KLRG1: variants seen among roughly 807,000 people sequenced by gnomAD.
KLRG1 encodes the protein killer cell lectin-like receptor subfamily G member 1.
In KLRG1, 16 loss-of-function variants were observed where a neutral mutation model predicts 21.8. That is an observed-to-expected ratio of 0.73 (90% CI 0.50 to 1.11). The LOEUF (loss-of-function observed/expected upper bound fraction) is 1.11. Ranked by LOEUF, KLRG1 falls within the 50% of genes most tolerant of loss-of-function variation. KLRG1 has a pLI of 0.00. For synonymous variants in KLRG1, 69 were observed against 75.9 expected (o/e 0.91, Z 0.47); for missense variants, 173 against 218.3 (o/e 0.79, Z 1.31).
the KLRG1 span, among the ~76,000 whole-genome samples, chr12:9,125,832 T>A: frequency 1.3e-5 from 2 of 152,220 alleles, no homozygotes; most frequent in Non-Finnish European, 2.9e-5. Context: ...CCTCCCGGGT[T>A]CAAATGATTC....
upstream of KLRG1, chr12:8,989,448 T>G (rs78699719): frequency 2.3e-5 from 12 of 517,662 alleles, no homozygotes; most frequent in African/African-American, 2.3e-4. Context: ...GGCAAAAAAA[T>G]AGCAACTTAC....
chr12:8,960,153 A>T (rs1451023509), intron 1 of KLRG1, among the ~76,000 whole-genome samples: 1 of 152,298 alleles, frequency 6.6e-6, no homozygotes, highest in Non-Finnish European at 1.5e-5. Flanking sequence ...GGCGAGCCCC[A>T]CAATTCCCCC....
chr12:9,200,821 C>G, the KLRG1 span: 1 of 1,472,806 alleles, frequency 6.8e-7, no homozygotes, highest in South Asian at 1.3e-5. Flanking sequence ...ACAGGAAATT[C>G]AAAGGATCTA....
Position 8,982,838 on chromosome 12 carries a change from G to A in KLRG1, c.-155-9368G>A, listed in dbSNP as rs770134977. Among the ~76,000 whole-genome samples the A allele has an allele frequency of 2.9e-3, 445 of 152,032 alleles. 5 individuals carry two copies. Among genetic ancestry groups the A allele is most frequent in the African/African-American group, 0.01 (423 of 41,450 alleles). Reference sequence around the variant, plus strand: ...TTTTTGTATTTTTAGTAGAGATAGCGTTTCACCATGTTGGCCAGGCTGGCC... The same window carrying A: ...TTTTTGTATTTTTAGTAGAGATAGCATTTCACCATGTTGGCCAGGCTGGCC... On this transcript the variant is annotated intron_variant, in intron 1 of 4. Transcript: ENST00000539240.
chr12:9,107,311 T>C, the KLRG1 span, among the ~76,000 whole-genome samples: 85,004 of 151,966 alleles, frequency 0.56, 25,375 homozygotes, highest in African/African-American at 0.76. Context: ...GATGGCTCAG[T>C]GTCTATCGTT....
chr12:9,204,711 A>G, the KLRG1 span, among the ~76,000 whole-genome samples: 9 of 152,196 alleles, frequency 5.9e-5, no homozygotes, highest in Admixed American at 2.6e-4. Flanking sequence ...GGCAATTAAC[A>G]TTAATAATTT....
At chr12:9,044,431 G>A in the KLRG1 span, among the ~76,000 whole-genome samples, 4 of 152,092 alleles carry the variant, frequency 2.6e-5, no homozygotes, top group Non-Finnish European at 4.4e-5. Flanking sequence ...TTGGGAGGCC[G>A]AGACAGGTGG....
rs7305181 is a variant in KLRG1, at chr12:8,981,565, G to A, written c.-155-10641G>A. On this transcript the variant is annotated intron_variant, in intron 1 of 4. Transcript: ENST00000539240. ...TTTCCGAATATTTAGGAATTATGTC[G>A]ATTTTTTCTTGTTATTGATTTCACT... is the stretch of plus-strand genomic sequence containing the variant. 5.5e-3 allele frequency among the ~76,000 whole-genome samples: 831 copies of A among 151,778 alleles called. 7 individuals are homozygous for A. Among genetic ancestry groups the A allele is most frequent in the African/African-American group, 0.019 (797 of 41,414 alleles).
At chr12:8,973,368 G>C (rs1318328542) in intron 1 of KLRG1, among the ~76,000 whole-genome samples, 1 of 152,052 alleles carries the variant, frequency 6.6e-6, no homozygotes, top group South Asian at 2.1e-4. Flanking sequence ...ATTGGGTCAT[G>C]AGGGCTTTGC....
At chr12:9,151,283 T>C in the KLRG1 span, among the ~76,000 whole-genome samples, 1 of 152,328 alleles carries the variant, frequency 6.6e-6, no homozygotes, top group South Asian at 2.1e-4. Context: ...GATTTATCAC[T>C]TCAAGTTTAA....
At chr12:9,209,799 TG>T in the KLRG1 span, among the ~76,000 whole-genome samples, 5 of 152,146 alleles carry the variant, frequency 3.3e-5, no homozygotes, top group African/African-American at 9.7e-5. Flanking sequence ...TTTTGTGTTT[TG>T]TATTTTATAT....
chr12:9,011,712 G>A (rs764186669), downstream of KLRG1, among the ~76,000 whole-genome samples: 38 of 152,314 alleles, frequency 2.5e-4, no homozygotes, highest in African/African-American at 8.4e-4. Context: ...AACAAAAGAG[G>A]CACTGACGAG....
the KLRG1 span, among the ~76,000 whole-genome samples, chr12:9,134,363 C>T: frequency 6.6e-6 from 1 of 152,104 alleles, no homozygotes; most frequent in Non-Finnish European, 1.5e-5. Context: ...ACTTCGGTTG[C>T]TACAAGAAAA....
the KLRG1 span, chr12:9,161,188 G>C: frequency 7.8e-7 from 1 of 1,282,398 alleles, no homozygotes; most frequent in Non-Finnish European, 1.1e-6. Flanking sequence ...TTATAATGTA[G>C]TGAGAGCTTC....
At chr12:9,086,866 A>G in the KLRG1 span, among the ~76,000 whole-genome samples, 1 of 152,212 alleles carries the variant, frequency 6.6e-6, no homozygotes, top group Non-Finnish European at 1.5e-5. Context: ...TGGTGATGAC[A>G]TTATCTTATA....
the KLRG1 span, among the ~76,000 whole-genome samples, chr12:9,144,743 G>T: frequency 6.6e-6 from 1 of 152,140 alleles, no homozygotes; most frequent in East Asian, 1.9e-4. Flanking sequence ...GAATGTCTCT[G>T]GTCAGAGGGA....
the KLRG1 span, chr12:9,079,912 A>G: frequency 8.1e-7 from 1 of 1,236,200 alleles, no homozygotes; most frequent in African/African-American, 1.5e-5. Context: ...GAAATTGAGA[A>G]TTTTTAGGAA....
the KLRG1 span, among the ~76,000 whole-genome samples, chr12:9,133,910 A>C: frequency 1.1e-4 from 17 of 152,330 alleles, no homozygotes; most frequent in South Asian, 8.3e-4. Context: ...GAAGAATCTC[A>C]ACATTTAGAG....
chr12:9,184,448 G>A, the KLRG1 span, among the ~76,000 whole-genome samples: 1 of 152,194 alleles, frequency 6.6e-6, no homozygotes, highest in Non-Finnish European at 1.5e-5. Flanking sequence ...ATGCACAGTT[G>A]CTAGTGGGGA....
Sources: gnomAD v4.1 joint callset for allele counts (sites outside exome capture counted in the v4.1 genomes callset) on GRCh38, gnomAD v4.1.1 for gene constraint, MANE v1.5 for transcripts, NCBI Gene and HGNC (gene_info 2026-07-23, HGNC 2026-07-21) for gene names.